Variants in MMP13 observed in about 807,000 individuals in gnomAD.
MMP13 encodes collagenase 3.
Under a neutral mutation model 52.1 loss-of-function variants are expected in MMP13, and 45 were observed. The ratio of observed to expected loss-of-function variants is 0.86; its 90% confidence interval spans 0.68 to 1.11. MMP13 has a LOEUF of 1.11. MMP13 is among the 50% of genes least tolerant of loss of function. The pLI, the probability that MMP13 is intolerant of heterozygous loss-of-function variation, is 0.00. For synonymous variants in MMP13, 200 were observed against 204.4 expected (o/e 0.98, Z 0.18); for missense variants, 576 against 583.8 (o/e 0.99, Z 0.14).
intron 8 of MMP13, among the ~76,000 whole-genome samples, chr11:102,946,901 CTG>C (rs1174397938): frequency 6.6e-6 from 1 of 151,808 alleles, no homozygotes; most frequent in Non-Finnish European, 1.5e-5. Flanking sequence ...GTGTGTGAGA[CTG>C]TGTGTATGTA....
In MMP13 at chr11:102,952,396, C is replaced by T. The variant is rs1417163541; in HGVS notation, c.638-223G>A. Among the ~76,000 whole-genome samples, 1 of 152,078 alleles carries T rather than the reference C, an allele frequency of 6.6e-6. No homozygotes were observed. Among genetic ancestry groups the T allele is most frequent in the Non-Finnish European group, 1.5e-5 (1 of 68,008 alleles). On this transcript the variant is annotated intron_variant, in intron 4 of 9. Coordinates refer to ENST00000260302, the MANE Select transcript of MMP13 (RefSeq NM_002427.4). The surrounding 1 kb of genome is among the most constrained non-coding windows in gnomAD (Gnocchi z 4.3). ...TAATTTAGTGTTCTTTTGATTATAGCTGCCTACACAATTAGAATGTCAACA... is the reference window on the plus strand; with the variant it reads ...TAATTTAGTGTTCTTTTGATTATAGTTGCCTACACAATTAGAATGTCAACA...
At position 102,950,126 on chromosome 11, in the gene MMP13, T is replaced by C. The variant is rs979816589; in HGVS notation, c.901A>G (p.Met301Val). ...CAAGAGTACCTGTCTTTAAAGATCA[T>C]TGTTTCTCCTCGGAGACTGGTAATG... ...DAITSLRGET[M>V]IFKDRFFWRL... Residue 301 changes from methionine (M) to valine (V), a missense_variant, in exon 6 of 10, where the codon ATG becomes GTG. By Grantham distance (21) the Met-to-Val change is conservative. Coordinates refer to ENST00000260302, the MANE Select transcript of MMP13 (RefSeq NM_002427.4). 7 of 1,609,850 alleles carry C rather than the reference T, an allele frequency of 4.3e-6. No homozygotes were observed. The highest frequency in any genetic ancestry group is 1.7e-5 in the Admixed American group (1 of 59,994).
chr11:102,947,829 A>G, intron 8 of MMP13, 62 bp downstream of exon 8: 1 of 1,541,708 alleles, frequency 6.5e-7, no homozygotes, highest in East Asian at 2.2e-5. Flanking sequence ...TATAGTAGTG[A>G]CAGATGTTTG....
At position 102,954,563 on chromosome 11, in the gene MMP13, T is replaced by G; in HGVS notation, c.406A>C (p.Lys136Gln). 6.2e-7 allele frequency: 1 copy of G among 1,613,732 alleles called. No homozygotes were observed. Among genetic ancestry groups the G allele is most frequent in the Non-Finnish European group, 8.5e-7 (1 of 1,179,734 alleles). Reference protein sequence around the residue: ...TPDMTHSEVEKAFKKAFKVWS... With the variant: ...TPDMTHSEVEQAFKKAFKVWS... ...ACTTTGAAGGCTTTTTTGAATGCCT[T>G]TTCGACTTCAGAATGAGTCATATCA... The change falls in exon 3 of 10, where the codon AAG becomes CAG. Residue 136 changes from lysine (K) to glutamine (Q), a missense_variant. Physicochemically the swap from Lys to Gln is moderately conservative, Grantham distance 53. Transcript: ENST00000260302.
At chr11:102,945,403 T>C (rs1009216050) in intron 9 of MMP13, among the ~76,000 whole-genome samples, 1 of 152,158 alleles carries the variant, frequency 6.6e-6, no homozygotes, top group South Asian at 2.1e-4. Context: ...ATTAAGGTAA[T>C]GTTGAAGGTT....
In MMP13 at chr11:102,945,680, A is replaced by T; in HGVS notation, c.1281T>A (p.Ile427=). 2 of 1,602,264 alleles carry T rather than the reference A, an allele frequency of 1.2e-6. No individual in the cohort carries two copies. The highest frequency in any genetic ancestry group is 1.1e-5 in the South Asian group (1 of 90,850). The change falls in exon 9 of 10, where the codon ATT becomes ATA. Residue 427 remains isoleucine, a synonymous_variant. Coordinates refer to ENST00000260302, the MANE Select transcript of MMP13 (RefSeq NM_002427.4). ...CATAGACAGCATCTACTTTATCACCAATTCCTGGGAAGTCTTCTTCTATTA... is the reference window on the plus strand; with the variant it reads ...CATAGACAGCATCTACTTTATCACCTATTCCTGGGAAGTCTTCTTCTATTA... ...PRLIEEDFPG[I]GDKVDAVYEK... is the part of the protein sequence containing the mutation.
At chr11:102,946,238 CT>C (rs1860504929) in intron 8 of MMP13, among the ~76,000 whole-genome samples, 1 of 152,202 alleles carries the variant, frequency 6.6e-6, no homozygotes, top group African/African-American at 2.4e-5. Context: ...GGAAGCATAG[CT>C]TTCCCCCTCC....
At position 102,950,768 on chromosome 11, in the gene MMP13, C is replaced by T. The variant is rs17099786; in HGVS notation, c.800-541G>A. 5.6e-3 allele frequency among the ~76,000 whole-genome samples: 849 copies of T among 152,252 alleles called. 4 individuals carry two copies. Among genetic ancestry groups the T allele is most frequent in the Non-Finnish European group, 9.2e-3 (627 of 68,012 alleles). The stretch of plus-strand genomic sequence containing the variant: ...CATGTTGGTAAATTTCCAACCGTCT[C>T]CCATGAGTGCAGACAGGATGGGGGT... On this transcript the variant is annotated intron_variant, in intron 5 of 9. Coordinates refer to ENST00000260302, the MANE Select transcript of MMP13 (RefSeq NM_002427.4).
At chr11:102,947,814 T>C in intron 8 of MMP13, 77 bp downstream of exon 8, 1 of 1,460,762 alleles carries the variant, frequency 6.8e-7, no homozygotes, top group East Asian at 2.3e-5. Flanking sequence ...TGTGTAGGAA[T>C]AATGTATAGT....
intron 9 of MMP13, 57 bp from the exon 10 acceptor site, chr11:102,944,423 C>T: frequency 8.0e-7 from 1 of 1,244,734 alleles, no homozygotes; most frequent in Non-Finnish European, 1.2e-6. Context: ...GGTTTTAATC[C>T]AGTTAATATT....
chr11:102,945,782 A>G (rs782457233), intron 8 of MMP13, 33 bp from the exon 9 acceptor site: 1 of 1,121,368 alleles, frequency 8.9e-7, no homozygotes, highest in Admixed American at 1.7e-5. Flanking sequence ...TAAGTCAGTT[A>G]TATTTCTTAG....
chr11:102,947,776 T>G (rs151126564), intron 8 of MMP13, 115 bp downstream of exon 8: 3 of 1,213,862 alleles, frequency 2.5e-6, no homozygotes, highest in African/African-American at 3.0e-5. Flanking sequence ...GGAATGAAAA[T>G]GAATGACTAG....
Position 102,951,150 on chromosome 11 carries a change from G to A in MMP13, c.799+862C>T, listed in dbSNP as rs1275308767. 2.6e-5 allele frequency among the ~76,000 whole-genome samples: 4 copies of A among 152,118 alleles called. No individual in the cohort carries two copies. The South Asian group carries it at 8.3e-4, about 32-fold the overall frequency. On this transcript the variant is annotated intron_variant, in intron 5 of 9. Transcript: ENST00000260302. ...TGTAAATATTATTGAAAACTTGGGG[G>A]GGGAAGTGAAAAGGAAGAATTTTTT...
chr11:102,944,661 C>T (rs1473933642), intron 9 of MMP13, among the ~76,000 whole-genome samples: 2 of 151,602 alleles, frequency 1.3e-5, no homozygotes, highest in African/African-American at 4.8e-5. Flanking sequence ...GGCTAGAGTG[C>T]AGTGGCAGTG....
Position 102,948,643 on chromosome 11 carries a change from A to C in MMP13, c.1051+382T>G, listed in dbSNP as rs959606811. 5.9e-5 allele frequency among the ~76,000 whole-genome samples: 9 copies of C among 152,348 alleles called. No individual in the cohort carries two copies. The East Asian group carries it at 1.5e-3, about 26-fold the overall frequency. On this transcript the variant is annotated intron_variant, in intron 7 of 9. Coordinates refer to ENST00000260302, the MANE Select transcript of MMP13 (RefSeq NM_002427.4). ...ATAAATATGTAAAAATTTGTATTAC[A>C]TAATGAAAATGAGCAAATGAAATAA...
intron 9 of MMP13, among the ~76,000 whole-genome samples, chr11:102,944,826 G>A (rs1159275979): frequency 7.5e-6 from 1 of 132,908 alleles, no homozygotes; most frequent in Non-Finnish European, 1.6e-5. Flanking sequence ...TCGCCATGTT[G>A]GTCAGGCTGG....
intron 3 of MMP13, 53 bp from the exon 4 acceptor site, chr11:102,954,334 AC>A (rs1381807670): frequency 2.4e-4 from 390 of 1,612,810 alleles, no homozygotes; most frequent in Non-Finnish European, 3.0e-4. Context: ...AGTACTTAGC[AC>A]AGGTGTTTGG....
At chr11:102,945,800 CT>C in intron 8 of MMP13, 51 bp from the exon 9 acceptor site, 1 of 968,200 alleles carries the variant, frequency 1.0e-6, no homozygotes, top group Non-Finnish European at 1.6e-6. Flanking sequence ...TAGAAAGTAC[CT>C]TAGAAATAAT....
At position 102,955,271 on chromosome 11, in the gene MMP13, T is replaced by C; in HGVS notation, c.343A>G (p.Lys115Glu). 5 of 1,613,924 alleles carry C rather than the reference T, an allele frequency of 3.1e-6. No homozygotes were observed. In the African/African-American group the frequency reaches 5.3e-5, roughly 17 times the overall value. Reference sequence around the variant, plus strand: ...ATTTACCTGTAGGTTAAATTCATTTTGGACCATTTAAGAGTTCGAGGGAAA... The same window carrying C: ...ATTTACCTGTAGGTTAAATTCATTTCGGACCATTTAAGAGTTCGAGGGAAA... ...NVFPRTLKWS[K>E]MNLTYRIVNY... Residue 115 changes from lysine to glutamate, a missense_variant, in exon 2 of 10, where the codon AAA becomes GAA. Coordinates refer to ENST00000260302, the MANE Select transcript of MMP13 (RefSeq NM_002427.4). This position sits in a 1 kb window ranked among gnomAD's most constrained non-coding sequence, Gnocchi z 4.9.
Sources: gnomAD v4.1 joint callset for allele counts (sites outside exome capture counted in the v4.1 genomes callset) on GRCh38, gnomAD v4.1.1 for gene constraint, Gnocchi (gnomAD v3.1) non-coding constraint, MANE v1.5 for transcripts, NCBI Gene and HGNC (gene_info 2026-07-23, HGNC 2026-07-21) for gene names.